KRAS: variants seen among roughly 807,000 people sequenced by gnomAD.
KRAS encodes the protein GTPase KRas.
Under a neutral mutation model 21.0 loss-of-function variants are expected in KRAS, and 1 was observed. The observed-to-expected ratio is 0.05, with a 90% CI of 0.02 to 0.23. The LOEUF is 0.23. Among genes scored for constraint, KRAS ranks in the 10% least tolerant of loss-of-function variants. The pLI is 1.00. For synonymous variants in KRAS, 67 were observed against 72.5 expected (o/e 0.92, Z 0.39); for missense variants, 107 against 221.8 (o/e 0.48, Z 3.29).
intron 2 of KRAS, chr12:25,234,691 T>C (rs1951521633): frequency 5.3e-6 from 1 of 188,202 alleles, no homozygotes; most frequent in Non-Finnish European, 1.1e-5. Flanking sequence ...TTTTGAGGAA[T>C]TTAAAAGCTA....
At chr12:25,214,845 TTG>T (rs1300208301) in intron 4 of KRAS, among the ~76,000 whole-genome samples, 1 of 152,096 alleles carries the variant, frequency 6.6e-6, no homozygotes, top group Admixed American at 6.5e-5. Flanking sequence ...TCACAGGAAT[TTG>T]TGGATACTTC....
intron 1 of KRAS, among the ~76,000 whole-genome samples, chr12:25,246,028 C>G (rs1233248591): frequency 6.6e-6 from 1 of 150,634 alleles, no homozygotes; most frequent in Non-Finnish European, 1.5e-5. Flanking sequence ...CAAAGAAGAA[C>G]AATATTTGAC....
chr12:25,234,119 G>A (rs1217444680), intron 2 of KRAS: 1 of 173,440 alleles, frequency 5.8e-6, no homozygotes, highest in Non-Finnish European at 1.2e-5. Context: ...AGACAATGAA[G>A]CTGTTAATTT....
chr12:25,218,718 A>T (rs1186973844), intron 4 of KRAS, among the ~76,000 whole-genome samples: 1 of 152,208 alleles, frequency 6.6e-6, no homozygotes, highest in East Asian at 1.9e-4. Context: ...TCTTATTTTT[A>T]AAATGCCTAC....
chr12:25,215,308 C>T (rs1053883616), intron 4 of KRAS: 3 of 1,382,208 alleles, frequency 2.2e-6, no homozygotes, highest in Non-Finnish European at 2.0e-6. Context: ...ATTATGGAAA[C>T]AAGTTTCTTA....
At chr12:25,225,139 G>T (rs1951374135) in intron 4 of KRAS, 2 of 151,660 alleles carry the variant, frequency 1.3e-5, no homozygotes, top group Non-Finnish European at 2.9e-5. Flanking sequence ...TCTTTAATGA[G>T]ACCTTTCTCC....
At chr12:25,247,060 ATTT>A (rs547687151) in intron 1 of KRAS, among the ~76,000 whole-genome samples, 2 of 152,170 alleles carry the variant, frequency 1.3e-5, no homozygotes, top group South Asian at 4.1e-4. Context: ...AATAAAACAT[ATTT>A]TTTAGTTAGT....
intron 4 of KRAS, 86 bp from the exon 5 acceptor site, chr12:25,209,997 T>C: frequency 3.1e-6 from 3 of 957,092 alleles, no homozygotes; most frequent in Non-Finnish European, 4.7e-6. Context: ...GGAAAAAATA[T>C]TAAGAAAGGA....
At chr12:25,212,781 T>C (rs566533589) in intron 4 of KRAS, among the ~76,000 whole-genome samples, 26 of 152,212 alleles carry the variant, frequency 1.7e-4, no homozygotes, top group African/African-American at 5.8e-4. Context: ...AAAGGTGGGG[T>C]CTCATTACGT....
At chr12:25,242,996 A>T (rs1366646270) in intron 2 of KRAS, among the ~76,000 whole-genome samples, 1 of 152,198 alleles carries the variant, frequency 6.6e-6, no homozygotes, top group African/African-American at 2.4e-5. Flanking sequence ...TTAAATTTTT[A>T]AAAAATTTAT....
intron 1 of KRAS, among the ~76,000 whole-genome samples, chr12:25,248,939 T>C (rs1043460909): frequency 2.0e-5 from 3 of 152,240 alleles, no homozygotes; most frequent in Admixed American, 6.5e-5. Context: ...AGAGTCAGCA[T>C]TTTGGACCTC....
At chr12:25,224,927 C>A (rs1483234278) in intron 4 of KRAS, among the ~76,000 whole-genome samples, 1 of 152,096 alleles carries the variant, frequency 6.6e-6, no homozygotes, top group East Asian at 1.9e-4. Flanking sequence ...TTTATGTATT[C>A]ATTTCCTATA....
chr12:25,229,760 A>G (rs1951441319), intron 2 of KRAS, among the ~76,000 whole-genome samples: 1 of 135,420 alleles, frequency 7.4e-6, no homozygotes, highest in Non-Finnish European at 1.5e-5. Context: ...AGGCTATAGT[A>G]TTAATGTATC....
At chr12:25,240,911 A>G (rs1951602129) in intron 2 of KRAS, among the ~76,000 whole-genome samples, 1 of 152,210 alleles carries the variant, frequency 6.6e-6, no homozygotes, top group Admixed American at 6.5e-5. Context: ...ACTATTCTAC[A>G]GTCCTATAAA....
rs2141510521 is a variant in KRAS at position 25,227,401 on chromosome 12, C to G, written c.123G>C (p.Arg41Ser). 6.2e-7 allele frequency: 1 copy of G among 1,613,946 alleles called. No individual in the cohort carries two copies. Among genetic ancestry groups the G allele is most frequent in the Non-Finnish European group, 8.5e-7 (1 of 1,179,912 alleles). ...TTTCTCCATCAATTACTACTTGCTTCCTGTAGGAATCCTGAGAAGGGAGAA... is the reference window on the plus strand; with the variant it reads ...TTTCTCCATCAATTACTACTTGCTTGCTGTAGGAATCCTGAGAAGGGAGAA... ...EYDPTIEDSY[R>S]KQVVIDGETC... The change falls in exon 3 of 5, where the codon AGG becomes AGC. Residue 41 changes from arginine (R) to serine (S), a missense_variant. Around this residue, in one of 2 missense-constraint regions of KRAS, gnomAD observed 42 missense variants for 139.4 expected, o/e 0.30. Coordinates refer to ENST00000311936, the MANE Select transcript of KRAS (RefSeq NM_004985.5).
At chr12:25,222,897 G>A (rs775670229) in intron 4 of KRAS, among the ~76,000 whole-genome samples, 3 of 152,100 alleles carry the variant, frequency 2.0e-5, no homozygotes, top group Non-Finnish European at 4.4e-5. Context: ...AATGAGAAGT[G>A]GACAGCAACA....
At chr12:25,237,192 C>G (rs1341139130) in intron 2 of KRAS, among the ~76,000 whole-genome samples, 2 of 152,030 alleles carry the variant, frequency 1.3e-5, no homozygotes, top group South Asian at 4.2e-4. Context: ...TCAGAGTGGA[C>G]AAATCCACAG....
chr12:25,250,331 T>A (rs1260590126), intron 1 of KRAS, among the ~76,000 whole-genome samples: 1 of 146,718 alleles, frequency 6.8e-6, no homozygotes, highest in Admixed American at 6.7e-5. Context: ...AGGCAAGAGG[T>A]GCGGGAGCGG....
chr12:25,237,128 G>A (rs1951553803), intron 2 of KRAS, among the ~76,000 whole-genome samples: 1 of 152,174 alleles, frequency 6.6e-6, no homozygotes, highest in Non-Finnish European at 1.5e-5. Context: ...ATCCTGTGTG[G>A]AGGATGCCAG....
Sources: allele counts gnomAD v4.1 joint callset (sites outside exome capture counted in the v4.1 genomes callset), GRCh38; gene constraint gnomAD v4.1.1; regional missense constraint gnomAD v4.1.1; transcripts MANE v1.5; gene names NCBI Gene and HGNC (gene_info 2026-07-23, HGNC 2026-07-21).